RABIF: variants seen among roughly 807,000 people sequenced by gnomAD.
RABIF encodes guanine nucleotide exchange factor MSS4.
RABIF carries 13 observed loss-of-function variants against 12.3 expected under a neutral mutation model. The ratio of observed to expected loss-of-function variants is 1.06; its 90% CI spans 0.69 to 1.68. RABIF has a LOEUF of 1.68. Among genes scored for constraint, RABIF ranks in the 40% most tolerant of loss-of-function variants. The pLI is 0.00. For missense variants in RABIF, 153 were observed against 158.0 expected, an observed-to-expected ratio of 0.97 and a Z score of 0.17; for synonymous variants, 70 against 63.3, an observed-to-expected ratio of 1.11 and a Z score of -0.50.
At chr1:202,885,763 CT>C (rs1571505365) in intron 1 of RABIF, among the ~76,000 whole-genome samples, 1 of 152,044 alleles carries the variant, frequency 6.6e-6, no homozygotes, top group East Asian at 1.9e-4. Context: ...ACATCATGTC[CT>C]AGAAGTTATA....
At position 202,879,569 on chromosome 1, in the gene RABIF, T is replaced by TTCTC. The variant is rs1659458572; in HGVS notation, c.*1405_*1408dup. The stretch of plus-strand genomic sequence containing the variant: ...GTGACCGTTTGTCGGAAAAACACAG[T>TTCTC]TCTCTCAATTGCTTACTAAAGCTCA... On this transcript the variant is annotated 3_prime_UTR_variant, in exon 2 of 2. Transcript: ENST00000367262. 6.6e-6 allele frequency: 1 copy of TTCTC among 152,210 alleles called. No homozygotes were observed. The highest frequency in any genetic ancestry group is 1.5e-5 in the Non-Finnish European group (1 of 68,046). 9.4% of individuals were successfully genotyped at this position (152,210 alleles called of 1,614,324 possible). A position where few individuals can be genotyped will look rare whatever the true frequency, so the allele number is the denominator to read the frequency against.
At position 202,880,939 on chromosome 1, in the gene RABIF, T is replaced by C. The variant is rs1659479314; in HGVS notation, c.*39A>G. ...AAGGCCAGTTCTTGTGGGGAGTAGG[T>C]TTATCTTTGGAGATGGAGCTGAGTA... On this transcript the variant is annotated 3_prime_UTR_variant, in exon 2 of 2. Coordinates refer to ENST00000367262, the MANE Select transcript of RABIF (RefSeq NM_002871.5). The C allele has an allele frequency of 1.2e-6, 2 of 1,606,508 alleles. No homozygotes were observed. The highest frequency in any genetic ancestry group is 1.7e-6 in the Non-Finnish European group (2 of 1,174,670).
intron 1 of RABIF, among the ~76,000 whole-genome samples, chr1:202,881,585 T>C (rs1454866378): frequency 6.6e-6 from 1 of 152,158 alleles, no homozygotes; most frequent in African/African-American, 2.4e-5. Flanking sequence ...GTATTTTTTT[T>C]TTAAGTAAAG....
In RABIF at chr1:202,879,474, T is replaced by C. The variant is rs1169613506; in HGVS notation, c.*1504A>G. ...GAGGGGCCATGTGCCCCTAGAGGCATCTACTTGGGTTTTGCTCCTGACTTG... is the reference window on the plus strand; with the variant it reads ...GAGGGGCCATGTGCCCCTAGAGGCACCTACTTGGGTTTTGCTCCTGACTTG... On this transcript the variant is annotated 3_prime_UTR_variant, in exon 2 of 2. Transcript: ENST00000367262. 1 of 152,260 alleles carries C rather than the reference T, an allele frequency of 6.6e-6. No individual in the cohort carries two copies. The highest frequency in any genetic ancestry group is 1.5e-5 in the Non-Finnish European group (1 of 68,048). 9.4% of individuals were successfully genotyped at this position (152,260 alleles called of 1,614,324 possible). A position where few individuals can be genotyped will look rare whatever the true frequency, so the allele number is the denominator to read the frequency against.
intron 1 of RABIF, 113 bp downstream of exon 1, chr1:202,888,860 C>A (rs181147326): frequency 3.4e-4 from 478 of 1,396,214 alleles, no homozygotes; most frequent in African/African-American, 3.4e-3. Context: ...GGCTTAAGGC[C>A]GCGCGAGGAG....
At chr1:202,884,715 T>C (rs185424558) in intron 1 of RABIF, among the ~76,000 whole-genome samples, 63 of 152,190 alleles carry the variant, frequency 4.1e-4, no homozygotes, top group African/African-American at 1.3e-3. Context: ...ACCTTTCTGA[T>C]TGCCATCACA....
intron 1 of RABIF, 109 bp downstream of exon 1, chr1:202,888,864 C>A: frequency 7.1e-7 from 1 of 1,401,860 alleles, no homozygotes. Context: ...TAAGGCCGCG[C>A]GAGGAGGGCG....
rs1228739719 is a variant in RABIF, at chr1:202,887,497, AC to A, written c.126+1475del. Reference sequence around the variant, plus strand: ...ACCTGCATCTCATGGAGGTTAAATAACTTTTTTTTTTTTTTTTTGAGATGGT... The same window carrying A: ...ACCTGCATCTCATGGAGGTTAAATAATTTTTTTTTTTTTTTTTGAGATGGT... On this transcript the variant is annotated intron_variant, in intron 1 of 1. Transcript: ENST00000367262. Among the ~76,000 whole-genome samples, 4 of 109,942 alleles carry A rather than the reference AC, an allele frequency of 3.6e-5. No homozygotes were observed. In the East Asian group the frequency reaches 9.1e-4, roughly 25 times the overall value. 72.1% of individuals were successfully genotyped at this position (109,942 alleles called of 152,430 possible).
In RABIF at chr1:202,880,927, G is replaced by A. The variant is rs368057777; in HGVS notation, c.*51C>T. 2 of 1,598,588 alleles carry A rather than the reference G, an allele frequency of 1.3e-6. No homozygotes were observed. Among genetic ancestry groups the A allele is most frequent in the Non-Finnish European group, 1.7e-6 (2 of 1,170,352 alleles). On this transcript the variant is annotated 3_prime_UTR_variant, in exon 2 of 2. Coordinates refer to ENST00000367262, the MANE Select transcript of RABIF (RefSeq NM_002871.5). The stretch of plus-strand genomic sequence containing the variant: ...TATACCACATTAAAGGCCAGTTCTT[G>A]TGGGGAGTAGGTTTATCTTTGGAGA...
intron 1 of RABIF, among the ~76,000 whole-genome samples, chr1:202,888,073 T>A (rs1368155204): frequency 1.3e-5 from 2 of 152,328 alleles, no homozygotes; most frequent in African/African-American, 4.8e-5. Flanking sequence ...AATGGGTACC[T>A]CTTGCTCTTC....
At chr1:202,885,978 C>T (rs1422262179) in intron 1 of RABIF, among the ~76,000 whole-genome samples, 1 of 147,290 alleles carries the variant, frequency 6.8e-6, no homozygotes, top group Non-Finnish European at 1.5e-5. Flanking sequence ...AAAAAAAAAA[C>T]CCACCTTTTT....
At chr1:202,888,171 A>G (rs542059119) in intron 1 of RABIF, among the ~76,000 whole-genome samples, 1 of 152,204 alleles carries the variant, frequency 6.6e-6, no homozygotes, top group African/African-American at 2.4e-5. Flanking sequence ...GAATGATAGG[A>G]TGTGTCTATG....
At chr1:202,881,360 CGAT>C (rs1659488781) in intron 1 of RABIF, 137 bp from the exon 2 acceptor site, 13 of 1,284,486 alleles carry the variant, frequency 1.0e-5, no homozygotes, top group Middle Eastern at 2.8e-4. Flanking sequence ...AAGCTGTAGA[CGAT>C]GATGCTGGGT....
At chr1:202,881,974 T>C (rs1392826258) in intron 1 of RABIF, among the ~76,000 whole-genome samples, 1 of 152,238 alleles carries the variant, frequency 6.6e-6, no homozygotes, top group African/African-American at 2.4e-5. Flanking sequence ...CCACTGTATT[T>C]TGTTTAAATA....
chr1:202,884,212 T>TTAAAAA (rs375741159), intron 1 of RABIF, among the ~76,000 whole-genome samples: 299 of 152,304 alleles, frequency 2.0e-3, no homozygotes, highest in Non-Finnish European at 3.4e-3. Flanking sequence ...CAGCACCCTT[T>TTAAAAA]TAAAAATAAA....
rs1166978120 is a variant in RABIF, at chr1:202,888,985, G to A, written c.114C>T (p.Phe38=). ...CCTGCCTCCCTACCTGTCGGCGAGA[G>A]AAGAGAGCGGTCCCTGGCTGCAGCA... is the stretch of plus-strand genomic sequence containing the variant. ...SRVLQPGTAL[F]SRRQLFLPSM... The change falls in exon 1 of 2, where the codon TTC becomes TTT. Residue 38 remains phenylalanine (F), a synonymous_variant. Transcript: ENST00000367262. 5.7e-6 allele frequency: 9 copies of A among 1,575,618 alleles called. No individual in the cohort carries two copies. Among genetic ancestry groups the A allele is most frequent in the Non-Finnish European group, 7.8e-6 (9 of 1,161,052 alleles).
chr1:202,889,016 G>A lies in RABIF; in HGVS notation c.83C>T (p.Ser28Phe). The change falls in exon 1 of 2, where the codon TCC (serine) becomes TTC (phenylalanine). Residue 28 changes from serine to phenylalanine, a missense_variant. Coordinates refer to ENST00000367262, the MANE Select transcript of RABIF (RefSeq NM_002871.5). Reference sequence around the variant, plus strand: ...AGCGGTCCCTGGCTGCAGCACCCGGGAGCCGCAACGCTGGCACAGCACCGC... The same window carrying A: ...AGCGGTCCCTGGCTGCAGCACCCGGAAGCCGCAACGCTGGCACAGCACCGC... Reference protein sequence around the residue: ...RKAVLCQRCGSRVLQPGTALF... With the variant: ...RKAVLCQRCGFRVLQPGTALF... 1 of 1,600,844 alleles carries A rather than the reference G, an allele frequency of 6.2e-7. No homozygotes were observed. The highest frequency in any genetic ancestry group is 8.5e-7 in the Non-Finnish European group (1 of 1,174,412).
At chr1:202,888,659 G>A (rs1193863498) in intron 1 of RABIF, among the ~76,000 whole-genome samples, 1 of 152,180 alleles carries the variant, frequency 6.6e-6, no homozygotes, top group African/African-American at 2.4e-5. Context: ...GCGGAGCACC[G>A]GCCTTGGACG....
chr1:202,882,278 G>A (rs749300114), intron 1 of RABIF, among the ~76,000 whole-genome samples: 1 of 152,184 alleles, frequency 6.6e-6, no homozygotes, highest in Non-Finnish European at 1.5e-5. Context: ...CCACTCATGG[G>A]GCTGAGGTAA....
Sources: allele counts gnomAD v4.1 joint callset (sites outside exome capture counted in the v4.1 genomes callset), GRCh38; gene constraint gnomAD v4.1.1; transcripts MANE v1.5; gene names NCBI Gene and HGNC (gene_info 2026-07-23, HGNC 2026-07-21).